The following EXOC6B variants were observed in gnomAD, a reference collection of about 807,000 sequenced individuals.
EXOC6B encodes SEC15 homolog B.
EXOC6B carries 54 observed loss-of-function variants against 113.5 expected under a neutral mutation model. That is an observed-to-expected ratio of 0.48 (90% CI 0.38 to 0.60). The LOEUF is 0.60. Among genes scored for constraint, EXOC6B ranks in the 20% least tolerant of loss-of-function variants. EXOC6B has a pLI of 0.00. For synonymous variants in EXOC6B, 357 were observed against 339.0 expected (o/e 1.05, Z -0.58); for missense variants, 797 against 977.5 (o/e 0.82, Z 2.46).
chr2:72,326,195 C>T (rs922179615), intron 20 of EXOC6B, among the ~76,000 whole-genome samples: 1 of 152,138 alleles, frequency 6.6e-6, no homozygotes, highest in African/African-American at 2.4e-5. Context: ...ACTACAACAG[C>T]CTCTGATACC....
chr2:72,646,800 T>C (rs1322823343), intron 6 of EXOC6B, among the ~76,000 whole-genome samples: 1 of 152,170 alleles, frequency 6.6e-6, no homozygotes, highest in Non-Finnish European at 1.5e-5. Flanking sequence ...GGAATGTATC[T>C]CAAAATAATA....
At chr2:72,749,393 A>G (rs909287180) in intron 1 of EXOC6B, among the ~76,000 whole-genome samples, 4 of 152,094 alleles carry the variant, frequency 2.6e-5, no homozygotes, top group Non-Finnish European at 5.9e-5. Context: ...CAACATAATG[A>G]GTCTGAATCT....
intron 6 of EXOC6B, among the ~76,000 whole-genome samples, chr2:72,588,949 C>T (rs1169513071): frequency 6.6e-6 from 1 of 152,020 alleles, no homozygotes; most frequent in East Asian, 1.9e-4. Context: ...TACGCACTCA[C>T]ACCAACATGG....
chr2:72,763,428 C>CTT (rs869206848), intron 1 of EXOC6B, among the ~76,000 whole-genome samples: 3 of 141,226 alleles, frequency 2.1e-5, no homozygotes, highest in Admixed American at 7.1e-5. Context: ...CGTGTTTTTT[C>CTT]TTTTTTTTTT....
chr2:72,615,169 T>C (rs1222338358), intron 6 of EXOC6B, among the ~76,000 whole-genome samples: 1 of 152,112 alleles, frequency 6.6e-6, no homozygotes, highest in Non-Finnish European at 1.5e-5. Flanking sequence ...CATCTAATAT[T>C]AAGATTCAGA....
rs1428218705 is a variant in EXOC6B, at chr2:72,211,553, T to C, written c.2197-27366A>G. ...CATAACAGAAACAAAAACTTTGTCC[T>C]TGCTTAAGATGGAACTTTATGCCAC... On this transcript the variant is annotated intron_variant, in intron 20 of 21. Transcript: ENST00000272427. 2.0e-5 allele frequency among the ~76,000 whole-genome samples: 3 copies of C among 152,170 alleles called. No homozygotes were observed. The East Asian group carries it at 5.8e-4, about 29-fold the overall frequency.
chr2:72,565,675 C>T (rs989686848), intron 7 of EXOC6B, among the ~76,000 whole-genome samples: 1 of 151,874 alleles, frequency 6.6e-6, no homozygotes, highest in African/African-American at 2.4e-5. Context: ...TACAACTAGC[C>T]CTGAACCTTA....
At chr2:72,685,990 A>G (rs1010801891) in intron 6 of EXOC6B, among the ~76,000 whole-genome samples, 18 of 152,220 alleles carry the variant, frequency 1.2e-4, no homozygotes, top group Non-Finnish European at 2.6e-4. Context: ...CAGAACTTGT[A>G]TATAAGTAGC....
chr2:72,797,673 C>T (rs1468646128), intron 1 of EXOC6B, among the ~76,000 whole-genome samples: 2 of 151,956 alleles, frequency 1.3e-5, no homozygotes, highest in African/African-American at 2.4e-5. Flanking sequence ...AATTAGCCAG[C>T]CATGGTGGCA....
At chr2:72,638,897 C>G (rs192069372) in intron 6 of EXOC6B, among the ~76,000 whole-genome samples, 19 of 152,298 alleles carry the variant, frequency 1.2e-4, no homozygotes, top group African/African-American at 4.6e-4. Flanking sequence ...GCCAGACCAA[C>G]ATGAGCACCC....
chr2:72,820,362 T>G (rs1686512388), intron 1 of EXOC6B, among the ~76,000 whole-genome samples: 2 of 152,152 alleles, frequency 1.3e-5, no homozygotes, highest in Non-Finnish European at 2.9e-5. Flanking sequence ...TTCCATATGT[T>G]GACATACTGT....
chr2:72,653,036 A>G (rs974676485), intron 6 of EXOC6B, among the ~76,000 whole-genome samples: 2 of 151,758 alleles, frequency 1.3e-5, no homozygotes, highest in African/African-American at 4.8e-5. Context: ...TCCTGTTGCC[A>G]TTTTCCAGAA....
intron 18 of EXOC6B, among the ~76,000 whole-genome samples, chr2:72,397,624 A>T (rs140928143): frequency 0.011 from 1,434 of 133,508 alleles, 18 homozygotes; most frequent in Non-Finnish European, 0.014. Context: ...TCTCAAAAAA[A>T]AAAAATAAAA....
intron 18 of EXOC6B, among the ~76,000 whole-genome samples, chr2:72,419,812 T>C (rs1327345044): frequency 8.5e-5 from 13 of 152,186 alleles, no homozygotes; most frequent in Admixed American, 8.5e-4. Flanking sequence ...GTTTTTTGAG[T>C]TTCTTGCATG....
At chr2:72,368,831 C>T (rs1044623275) in intron 19 of EXOC6B, among the ~76,000 whole-genome samples, 2 of 152,254 alleles carry the variant, frequency 1.3e-5, no homozygotes, top group African/African-American at 4.8e-5. Flanking sequence ...ATGCTAAAAA[C>T]TCTCAATAAA....
intron 6 of EXOC6B, among the ~76,000 whole-genome samples, chr2:72,644,643 T>G (rs907754329): frequency 2.0e-5 from 3 of 152,174 alleles, no homozygotes; most frequent in Non-Finnish European, 4.4e-5. Flanking sequence ...TCAGCATTCT[T>G]AAAGAAAATA....
intron 19 of EXOC6B, among the ~76,000 whole-genome samples, chr2:72,371,548 A>G (rs1219972826): frequency 1.3e-5 from 2 of 152,222 alleles, no homozygotes; most frequent in African/African-American, 2.4e-5. Context: ...AAGTCAATCA[A>G]TGTGATACAA....
At position 72,642,579 on chromosome 2, in the gene EXOC6B, G is replaced by A. The variant is rs1010275366; in HGVS notation, c.670-66911C>T. Among the ~76,000 whole-genome samples the A allele has an allele frequency of 6.1e-5, 9 of 147,592 alleles. 1 individual carries two copies. The highest frequency in any genetic ancestry group is 1.1e-4 in the Non-Finnish European group (7 of 66,652). On this transcript the variant is annotated intron_variant, in intron 6 of 21. Transcript: ENST00000272427. ...TAGCCATATGTAGAAAGCTGAAACC[G>A]GATCCCTTCCTTACACCTTATACAA...
At chr2:72,211,478 C>T (rs1680184528) in intron 20 of EXOC6B, among the ~76,000 whole-genome samples, 1 of 152,186 alleles carries the variant, frequency 6.6e-6, no homozygotes, top group Admixed American at 6.5e-5. Flanking sequence ...TGCACCTTTA[C>T]TCACTCACCA....
Sources: gnomAD v4.1 joint callset for allele counts (sites outside exome capture counted in the v4.1 genomes callset) on GRCh38, gnomAD v4.1.1 for gene constraint, MANE v1.5 for transcripts, NCBI Gene and HGNC (gene_info 2026-07-23, HGNC 2026-07-21) for gene names.